Variants in CAPZA2 observed in about 807,000 individuals in gnomAD.
The protein encoded by CAPZA2 is F-actin-capping protein subunit alpha-2.
A neutral mutation model predicts 44.0 loss-of-function variants in CAPZA2; 13 were observed. The ratio of observed to expected loss-of-function variants is 0.30; its 90% confidence interval spans 0.19 to 0.47. The LOEUF (loss-of-function observed/expected upper bound fraction) is 0.47, where lower values mean the gene tolerates loss of function less well. CAPZA2 is among the 20% of genes least tolerant of loss of function. The pLI, the probability that CAPZA2 is intolerant of heterozygous loss-of-function variation, is 1.00. For missense variants in CAPZA2, 244 were observed against 338.6 expected (o/e 0.72, Z 2.19); for synonymous variants, 94 against 108.2 (o/e 0.87, Z 0.81).
chr7:116,918,203 G>T lies in CAPZA2; in HGVS notation c.*336G>T. On this transcript the variant is annotated 3_prime_UTR_variant, in exon 10 of 10. Transcript: ENST00000361183. ...TGTAACCCTAAAATTGATGTCTTTT[G>T]GTTTATGAAATCAGTAATTTTTGAT... The T allele has an allele frequency of 1.1e-5, 2 of 189,336 alleles. No homozygotes were observed. Among genetic ancestry groups the T allele is most frequent in the Non-Finnish European group, 2.2e-5 (2 of 89,402 alleles). 11.7% of individuals were successfully genotyped at this position (189,336 alleles called of 1,614,324 possible). A position where few individuals can be genotyped will look rare whatever the true frequency, so the allele number is the denominator to read the frequency against.
At chr7:116,867,040 C>T (rs1437518291) in intron 1 of CAPZA2, among the ~76,000 whole-genome samples, 1 of 152,116 alleles carries the variant, frequency 6.6e-6, no homozygotes, top group African/African-American at 2.4e-5. Context: ...TGGCCCTGTA[C>T]CTTACAATCA....
Position 116,917,950 on chromosome 7 carries a change from C to T in CAPZA2, c.*83C>T. 1 of 1,097,336 alleles carries T rather than the reference C, an allele frequency of 9.1e-7. No individual in the cohort carries two copies. Among genetic ancestry groups the T allele is most frequent in the Non-Finnish European group, 1.4e-6 (1 of 727,194 alleles). The allele number at this position is 1,097,336 out of a possible 1,614,324, so 68.0% of individuals were successfully genotyped here. ...AAGTATTCTGAACTGTCAAGCTGCC[C>T]AGTCAGATGGGCTGTTGCCATTTAA... On this transcript the variant is annotated 3_prime_UTR_variant, in exon 10 of 10. Transcript: ENST00000361183.
Position 116,911,955 on chromosome 7 carries a change from G to A in CAPZA2, c.586-114G>A, listed in dbSNP as rs561578271. ...TTCAAAAGTTTTGGGGCTCAGCAGA[G>A]AAGTCTAGACTAGAGCTGAAATATG... On this transcript the variant is annotated intron_variant, in intron 7 of 9. Transcript: ENST00000361183. The A allele has an allele frequency of 4.6e-6, 7 of 1,527,502 alleles. No homozygotes were observed. The African/African-American group carries it at 5.6e-5, about 12-fold the overall frequency. 94.6% of individuals were successfully genotyped at this position (1,527,502 alleles called of 1,614,324 possible).
intron 2 of CAPZA2, among the ~76,000 whole-genome samples, chr7:116,891,038 A>G (rs951588736): frequency 2.6e-5 from 4 of 152,192 alleles, no homozygotes; most frequent in Admixed American, 2.6e-4. Context: ...TCAAACATAT[A>G]GTCATAGATC....
In CAPZA2 at chr7:116,919,934, C is replaced by A. The variant is rs927234914; in HGVS notation, c.*2067C>A. ...TGAAATAATGATGGCACAGAATAGT[C>A]TTTTATAGTATAAGAATGGCATTTA... On this transcript the variant is annotated 3_prime_UTR_variant, in exon 10 of 10. Coordinates refer to ENST00000361183, the MANE Select transcript of CAPZA2 (RefSeq NM_006136.3). The A allele has an allele frequency of 6.7e-6, 1 of 149,496 alleles. No homozygotes were observed. Among genetic ancestry groups the A allele is most frequent in the Admixed American group, 6.7e-5 (1 of 14,890 alleles). The allele number at this position is 149,496 out of a possible 1,614,324, so 9.3% of individuals were successfully genotyped here.
At chr7:116,896,680 G>A (rs1796933154) in intron 3 of CAPZA2, among the ~76,000 whole-genome samples, 1 of 152,144 alleles carries the variant, frequency 6.6e-6, no homozygotes, top group South Asian at 2.1e-4. Context: ...CTTAGAAATT[G>A]ATTGGGCGAC....
At chr7:116,875,838 T>C (rs1389615424) in intron 1 of CAPZA2, 1 of 152,182 alleles carries the variant, frequency 6.6e-6, no homozygotes, top group African/African-American at 2.4e-5. Context: ...CCATGGCACC[T>C]GGCCAAATTG....
At chr7:116,878,136 AAT>A (rs978030249) in intron 1 of CAPZA2, among the ~76,000 whole-genome samples, 1 of 152,226 alleles carries the variant, frequency 6.6e-6, no homozygotes, top group African/African-American at 2.4e-5. Flanking sequence ...GGAGATCTCT[AAT>A]AGATAAATTA....
At chr7:116,904,538 A>AG (rs1791459422) in intron 5 of CAPZA2, 155 bp downstream of exon 5, 2 of 590,504 alleles carry the variant, frequency 3.4e-6, no homozygotes, top group East Asian at 5.6e-5. Context: ...TTTTCAAGAA[A>AG]TTCTGGATAA....
chr7:116,903,049 G>A (rs1297145143), intron 4 of CAPZA2, among the ~76,000 whole-genome samples: 1 of 151,990 alleles, frequency 6.6e-6, no homozygotes, highest in African/African-American at 2.4e-5. Flanking sequence ...TCCTTTCCCC[G>A]AAAAAGGAAA....
chr7:116,907,442 T>C (rs1171964478), intron 6 of CAPZA2, among the ~76,000 whole-genome samples: 1 of 152,180 alleles, frequency 6.6e-6, no homozygotes, highest in African/African-American at 2.4e-5. Context: ...TATAAAATTA[T>C]TACTAATTTA....
At chr7:116,905,929 A>G (rs1343851946) in intron 5 of CAPZA2, among the ~76,000 whole-genome samples, 1 of 152,204 alleles carries the variant, frequency 6.6e-6, no homozygotes, top group Admixed American at 6.5e-5. Context: ...TTTCACTTGC[A>G]TGGAAAAAGC....
rs575634718 is a variant in CAPZA2, at chr7:116,897,010, G to A, written c.156-1762G>A. Among the ~76,000 whole-genome samples the A allele has an allele frequency of 1.9e-4, 29 of 152,158 alleles. 2 individuals are homozygous for A. The East Asian group carries it at 5.4e-3, about 28-fold the overall frequency. ...ATTGTCACCATTTAACTTATTTTGA[G>A]CCTTTAAGATAAAATTTTAACCTAT... On this transcript the variant is annotated intron_variant, in intron 3 of 9. Transcript: ENST00000361183.
chr7:116,908,096 GAAAAA>G (rs562535745), intron 6 of CAPZA2, among the ~76,000 whole-genome samples: 5 of 140,474 alleles, frequency 3.6e-5, no homozygotes, highest in African/African-American at 1.3e-4. Flanking sequence ...CCATCTCTAG[GAAAAA>G]AAAAAAAAAA....
intron 9 of CAPZA2, among the ~76,000 whole-genome samples, chr7:116,917,177 C>A (rs1457407719): frequency 2.0e-5 from 3 of 152,058 alleles, no homozygotes; most frequent in Non-Finnish European, 4.4e-5. Context: ...AATATTAAGT[C>A]TAATTTATAG....
Position 116,897,850 on chromosome 7 carries a change from A to G in CAPZA2, c.156-922A>G, listed in dbSNP as rs191765734. 7.2e-5 allele frequency among the ~76,000 whole-genome samples: 11 copies of G among 152,112 alleles called. No individual in the cohort carries two copies. In the East Asian group the frequency reaches 2.1e-3, roughly 29 times the overall value. ...CGGTTTTTAACCTTAGCAACTGCCT[A>G]ACTGCTTTTTCTGGCTCTCGTTGCT... is the stretch of plus-strand genomic sequence containing the variant. On this transcript the variant is annotated intron_variant, in intron 3 of 9. Transcript: ENST00000361183.
At chr7:116,902,734 A>AT in intron 4 of CAPZA2, among the ~76,000 whole-genome samples, 1 of 152,128 alleles carries the variant, frequency 6.6e-6, no homozygotes. Context: ...TACTCATTTC[A>AT]CCTTTTTTGT....
intron 6 of CAPZA2, 173 bp downstream of exon 6, chr7:116,906,515 C>A: frequency 9.0e-7 from 1 of 1,109,864 alleles, no homozygotes; most frequent in Non-Finnish European, 1.2e-6. Flanking sequence ...ACAGCCTAAT[C>A]ACTAAAGGTA....
intron 8 of CAPZA2, among the ~76,000 whole-genome samples, chr7:116,915,098 C>T (rs909564257): frequency 3.5e-4 from 53 of 151,858 alleles, no homozygotes; most frequent in African/African-American, 1.2e-3. Flanking sequence ...GCCAATATGA[C>T]GAAACCTCGT....
Sources: allele counts gnomAD v4.1 joint callset (sites outside exome capture counted in the v4.1 genomes callset), GRCh38; gene constraint gnomAD v4.1.1; transcripts MANE v1.5; gene names NCBI Gene and HGNC (gene_info 2026-07-23, HGNC 2026-07-21).